ATP6V1C2: variants seen among roughly 807,000 people sequenced by gnomAD.
The protein encoded by ATP6V1C2 is V-type proton ATPase subunit C 2.
ATP6V1C2 carries 45 observed loss-of-function variants against 56.8 expected under a neutral mutation model. The ratio of observed to expected loss-of-function variants is 0.79; its 90% confidence interval spans 0.62 to 1.02. The LOEUF (loss-of-function observed/expected upper bound fraction) is 1.02. ATP6V1C2 is among the 50% of genes least tolerant of loss of function. The pLI is 0.00. For synonymous variants in ATP6V1C2, 220 were observed against 201.3 expected (o/e 1.09, Z -0.79); for missense variants, 463 against 519.7 (o/e 0.89, Z 1.06).
At position 10,757,504 on chromosome 2, in the gene ATP6V1C2, A is replaced by G. The variant is rs559367209; in HGVS notation, c.283+3438A>G. 5.5e-5 allele frequency: 22 copies of G among 398,626 alleles called. No homozygotes were observed. The East Asian group carries it at 6.4e-4, about 12-fold the overall frequency. 24.7% of individuals were successfully genotyped at this position (398,626 alleles called of 1,614,324 possible). A position where few individuals can be genotyped will look rare whatever the true frequency, so the allele number is the denominator to read the frequency against. ...TGTCTGTGCTTGGCGTGATGCCCGC[A>G]TGTCCCGGGAAGGTGGAATCTCGGT... On this transcript the variant is annotated intron_variant, in intron 4 of 13. Coordinates refer to ENST00000272238, the MANE Select transcript of ATP6V1C2 (RefSeq NM_001039362.2).
chr2:10,758,214 A>G (rs763438784), intron 4 of ATP6V1C2, among the ~76,000 whole-genome samples: 10 of 152,196 alleles, frequency 6.6e-5, no homozygotes, highest in Non-Finnish European at 1.2e-4. Flanking sequence ...CTACATAAAC[A>G]ACAGAGGAAC....
At chr2:10,779,731 C>G (rs1019374830) in intron 12 of ATP6V1C2, among the ~76,000 whole-genome samples, 2 of 149,000 alleles carry the variant, frequency 1.3e-5, no homozygotes, top group Middle Eastern at 3.2e-3. Flanking sequence ...AACCTGGCAA[C>G]TCTAGGTAAG....
intron 4 of ATP6V1C2, among the ~76,000 whole-genome samples, chr2:10,756,018 A>G (rs1182805190): frequency 6.6e-6 from 1 of 152,240 alleles, no homozygotes; most frequent in Non-Finnish European, 1.5e-5. Context: ...CTGTAGAGAT[A>G]ATTAAACTTA....
At chr2:10,743,474 T>C (rs1225392056) in intron 3 of ATP6V1C2, among the ~76,000 whole-genome samples, 1 of 151,934 alleles carries the variant, frequency 6.6e-6, no homozygotes, top group Non-Finnish European at 1.5e-5. Context: ...AACATTGAAA[T>C]GGCTTCCTGT....
intron 10 of ATP6V1C2, 106 bp downstream of exon 10, chr2:10,775,177 G>T: frequency 2.4e-6 from 2 of 850,580 alleles, no homozygotes; most frequent in South Asian, 3.0e-5. Flanking sequence ...TTGTCCCCAG[G>T]CTCCTGGGCT....
chr2:10,761,097 G>A (rs907038545), intron 4 of ATP6V1C2, among the ~76,000 whole-genome samples: 1 of 152,240 alleles, frequency 6.6e-6, no homozygotes, highest in Non-Finnish European at 1.5e-5. Flanking sequence ...GGCAGGGACA[G>A]TTGGGCCACC....
At chr2:10,753,610 C>T (rs1663345833) in intron 3 of ATP6V1C2, among the ~76,000 whole-genome samples, 1 of 151,364 alleles carries the variant, frequency 6.6e-6, no homozygotes, top group Non-Finnish European at 1.5e-5. Context: ...CGGCTCACTG[C>T]AACCTCCACC....
At chr2:10,742,147 C>T (rs1044958550) in intron 3 of ATP6V1C2, among the ~76,000 whole-genome samples, 1 of 152,132 alleles carries the variant, frequency 6.6e-6, no homozygotes, top group Non-Finnish European at 1.5e-5. Flanking sequence ...TGACCTCAGG[C>T]GATCTGCCCA....
At chr2:10,760,259 A>G in intron 4 of ATP6V1C2, among the ~76,000 whole-genome samples, 1 of 151,956 alleles carries the variant, frequency 6.6e-6, no homozygotes, top group Non-Finnish European at 1.5e-5. Context: ...AATCCCAGCT[A>G]CTTGGGAGGC....
At chr2:10,730,721 C>T (rs1278134324) in intron 3 of ATP6V1C2, among the ~76,000 whole-genome samples, 2 of 143,150 alleles carry the variant, frequency 1.4e-5, no homozygotes, top group East Asian at 2.2e-4. Flanking sequence ...GGCACAATCT[C>T]AGCTCACTGC....
At chr2:10,772,157 C>T (rs959955778) in intron 7 of ATP6V1C2, among the ~76,000 whole-genome samples, 6 of 152,200 alleles carry the variant, frequency 3.9e-5, no homozygotes, top group Non-Finnish European at 7.3e-5. Flanking sequence ...TTATTGAGCA[C>T]TTGCTATATA....
At position 10,772,104 on chromosome 2, in the gene ATP6V1C2, G is replaced by A. The variant is rs191493003; in HGVS notation, c.569+167G>A. On this transcript the variant is annotated intron_variant, in intron 7 of 13. Coordinates refer to ENST00000272238, the MANE Select transcript of ATP6V1C2 (RefSeq NM_001039362.2). ...CTGCCTGCGGCTGTCAGTAGGGACA[G>A]TGGTTGGGTGATGGTGGTTGTGGCC... Among the ~76,000 whole-genome samples the A allele has an allele frequency of 2.6e-5, 4 of 152,352 alleles. No homozygotes were observed. In the East Asian group the frequency reaches 7.7e-4, roughly 29 times the overall value.
At chr2:10,776,296 T>C (rs1307739474) in intron 10 of ATP6V1C2, among the ~76,000 whole-genome samples, 16 of 138,448 alleles carry the variant, frequency 1.2e-4, no homozygotes, top group Non-Finnish European at 1.5e-4. Context: ...CGCACGTGCA[T>C]GTATGAGTGT....
chr2:10,759,685 GA>G (rs1232809892), intron 4 of ATP6V1C2, among the ~76,000 whole-genome samples: 1 of 152,178 alleles, frequency 6.6e-6, no homozygotes, highest in East Asian at 1.9e-4. Context: ...TGTGAGTACA[GA>G]AGGCCGGAGG....
intron 12 of ATP6V1C2, among the ~76,000 whole-genome samples, chr2:10,781,652 C>T (rs908201227): frequency 6.6e-6 from 1 of 152,164 alleles, no homozygotes; most frequent in Non-Finnish European, 1.5e-5. Flanking sequence ...AACTACTGAA[C>T]ATCCGATCCT....
chr2:10,726,620 CAG>C, intron 3 of ATP6V1C2, 51 bp downstream of exon 3: 2 of 1,493,224 alleles, frequency 1.3e-6, no homozygotes, highest in Non-Finnish European at 1.9e-6. Context: ...ACATTGTTGT[CAG>C]AGGACACAGT....
intron 2 of ATP6V1C2, among the ~76,000 whole-genome samples, chr2:10,724,666 C>T (rs1431848472): frequency 1.5e-5 from 2 of 135,300 alleles, no homozygotes; most frequent in East Asian, 4.6e-4. Context: ...TTCATCATTT[C>T]CTAATTACTT....
chr2:10,780,474 C>G lies in ATP6V1C2; in HGVS notation c.1062-1769C>G, dbSNP rs570703409. 1.3e-5 allele frequency among the ~76,000 whole-genome samples: 2 copies of G among 152,324 alleles called. No homozygotes were observed. Among genetic ancestry groups the G allele is most frequent in the South Asian group, 4.1e-4 (2 of 4,834 alleles). On this transcript the variant is annotated intron_variant, in intron 12 of 13. Transcript: ENST00000272238. This position sits in a 1 kb window ranked among gnomAD's most constrained non-coding sequence, Gnocchi z 4.1. ...CTGGTTCTTCTGCCCTGCACATGCA[C>G]CGCACCCACACCTGTACCCATGCGC...
At chr2:10,729,012 C>A (rs1459101011) in intron 3 of ATP6V1C2, among the ~76,000 whole-genome samples, 1 of 149,788 alleles carries the variant, frequency 6.7e-6, no homozygotes, top group Admixed American at 6.7e-5. Context: ...CGCCTGTAAT[C>A]CCAGCTACTC....
Sources: allele counts gnomAD v4.1 joint callset (sites outside exome capture counted in the v4.1 genomes callset), GRCh38; gene constraint gnomAD v4.1.1; non-coding constraint Gnocchi (gnomAD v3.1); transcripts MANE v1.5; gene names NCBI Gene and HGNC (gene_info 2026-07-23, HGNC 2026-07-21).